The following WDR7 variants were observed in gnomAD, a reference collection of about 807,000 sequenced individuals.
The protein encoded by WDR7 is WD repeat domain 7.
A neutral mutation model predicts 169.4 loss-of-function variants in WDR7; 46 were observed. The ratio of observed to expected loss-of-function variants is 0.27; its 90% confidence interval spans 0.21 to 0.35. WDR7 has a LOEUF of 0.35. Among genes scored for constraint, WDR7 ranks in the 10% least tolerant of loss-of-function variants. The pLI is 1.00. For synonymous variants in WDR7, 612 were observed against 666.8 expected (o/e 0.92, Z 1.27); for missense variants, 1,534 against 1,859.3 (o/e 0.83, Z 3.22).
At chr18:56,788,910 A>G (rs1342230542) in intron 19 of WDR7, among the ~76,000 whole-genome samples, 1 of 152,188 alleles carries the variant, frequency 6.6e-6, no homozygotes, top group East Asian at 1.9e-4. Context: ...GATACTTTAT[A>G]TTGTGAGGCA....
intron 20 of WDR7, among the ~76,000 whole-genome samples, chr18:56,823,369 G>C (rs1288727498): frequency 6.6e-6 from 1 of 152,150 alleles, no homozygotes; most frequent in African/African-American, 2.4e-5. Context: ...TCTGAGGTCA[G>C]GAGTTCGAGA....
chr18:56,888,099 C>T (rs1210412751), intron 21 of WDR7, among the ~76,000 whole-genome samples: 1 of 152,158 alleles, frequency 6.6e-6, no homozygotes, highest in Non-Finnish European at 1.5e-5. Flanking sequence ...GAGTTCTAAC[C>T]TTCCTCCTGA....
At chr18:56,911,506 A>G (rs184644221) in intron 21 of WDR7, among the ~76,000 whole-genome samples, 10 of 152,302 alleles carry the variant, frequency 6.6e-5, no homozygotes, top group Admixed American at 4.6e-4. Context: ...TCCATTTACC[A>G]ACATGTAAAA....
intron 26 of WDR7, among the ~76,000 whole-genome samples, chr18:56,993,088 A>G (rs2047840932): frequency 6.6e-6 from 1 of 152,204 alleles, no homozygotes. Context: ...GTTTTTACAT[A>G]TGTGACAAAT....
intron 21 of WDR7, among the ~76,000 whole-genome samples, chr18:56,891,485 T>TGTTG (rs1461790020): frequency 1.3e-5 from 2 of 152,084 alleles, no homozygotes; most frequent in Admixed American, 6.6e-5. Context: ...TGTTAGTTTC[T>TGTTG]GTTGTTGTTG....
chr18:56,656,751 T>A (rs1471166465), intron 1 of WDR7, among the ~76,000 whole-genome samples: 1 of 152,192 alleles, frequency 6.6e-6, no homozygotes, highest in Non-Finnish European at 1.5e-5. Flanking sequence ...TTCTTTCCTA[T>A]GTATTTTAGA....
intron 20 of WDR7, among the ~76,000 whole-genome samples, chr18:56,847,141 G>A (rs1319100655): frequency 1.3e-5 from 2 of 152,186 alleles, no homozygotes; most frequent in African/African-American, 4.8e-5. Flanking sequence ...AGGCTACACT[G>A]ATGAGATCTC....
intron 5 of WDR7, among the ~76,000 whole-genome samples, chr18:56,684,138 GA>G (rs1367749981): frequency 6.6e-6 from 1 of 152,122 alleles, no homozygotes; most frequent in African/African-American, 2.4e-5. Context: ...TGGCAAAGGA[GA>G]TAGTCTGTAG....
chr18:56,724,935 A>C (rs2093443397), intron 13 of WDR7, among the ~76,000 whole-genome samples: 1 of 152,106 alleles, frequency 6.6e-6, no homozygotes, highest in Non-Finnish European at 1.5e-5. Context: ...TAGTTTGCTG[A>C]GAATGATGGT....
intron 20 of WDR7, among the ~76,000 whole-genome samples, chr18:56,840,466 A>G (rs898399504): frequency 3.9e-5 from 6 of 152,220 alleles, no homozygotes; most frequent in African/African-American, 1.4e-4. Context: ...TATCAAACTA[A>G]GTACTTAATT....
chr18:56,851,945 A>C (rs2045646610), intron 20 of WDR7, among the ~76,000 whole-genome samples: 1 of 152,200 alleles, frequency 6.6e-6, no homozygotes, highest in African/African-American at 2.4e-5. Flanking sequence ...TTTGGTAGAT[A>C]GTGCTGTTGA....
chr18:56,703,631 G>A (rs1305367258), intron 12 of WDR7, among the ~76,000 whole-genome samples: 1 of 151,166 alleles, frequency 6.6e-6, no homozygotes, highest in Non-Finnish European at 1.5e-5. Context: ...TATGTATTTG[G>A]CACCATCTTT....
rs375336657 is a variant in WDR7 at position 56,935,826 on chromosome 18, C to T, written c.3752C>T (p.Ser1251Leu). ...TTGCCTCTGAGCCCAGCAGCTGACT[C>T]GGCCCGCTCTGCGAGGCATGCCCTC... ...MGLPLSPAADSARSARHALSL... is the reference protein window; with the variant it reads ...MGLPLSPAADLARSARHALSL... The change falls in exon 23 of 28, where the codon TCG becomes TTG. Residue 1251 changes from serine to leucine, a missense_variant. Physicochemically the swap from Ser to Leu is moderately radical, Grantham distance 145. Transcript: ENST00000254442. 7 of 1,614,070 alleles carry T rather than the reference C, an allele frequency of 4.3e-6. No individual in the cohort carries two copies. The highest frequency in any genetic ancestry group is 4.0e-5 in the African/African-American group (3 of 74,930).
intron 1 of WDR7, among the ~76,000 whole-genome samples, chr18:56,653,855 C>T (rs761285483): frequency 6.6e-6 from 1 of 152,120 alleles, no homozygotes; most frequent in Non-Finnish European, 1.5e-5. Flanking sequence ...ACATTTTAGA[C>T]CTCTGTGATA....
intron 12 of WDR7, among the ~76,000 whole-genome samples, chr18:56,700,472 G>A (rs908170022): frequency 6.6e-6 from 1 of 151,002 alleles, no homozygotes; most frequent in African/African-American, 2.4e-5. Flanking sequence ...GGCCAGGATG[G>A]TCTCGATCTC....
At chr18:56,805,933 C>G (rs1599059437) in intron 19 of WDR7, among the ~76,000 whole-genome samples, 1 of 152,220 alleles carries the variant, frequency 6.6e-6, no homozygotes, top group East Asian at 1.9e-4. Flanking sequence ...CTCCTGCTAC[C>G]CGCTCTGTAG....
At chr18:56,729,806 T>TA (rs955321155) in intron 13 of WDR7, among the ~76,000 whole-genome samples, 4 of 152,182 alleles carry the variant, frequency 2.6e-5, no homozygotes, top group Non-Finnish European at 5.9e-5. Flanking sequence ...TAGAATTTGT[T>TA]AAAAAAATTA....
intron 16 of WDR7, among the ~76,000 whole-genome samples, chr18:56,771,916 G>A (rs772021940): frequency 1.6e-4 from 24 of 151,214 alleles, no homozygotes; most frequent in Middle Eastern, 3.4e-3. Context: ...AGAAATTATC[G>A]GGGTGTGATG....
At chr18:56,668,403 G>A (rs2025065623) in intron 1 of WDR7, among the ~76,000 whole-genome samples, 1 of 152,124 alleles carries the variant, frequency 6.6e-6, no homozygotes, top group Non-Finnish European at 1.5e-5. Context: ...AATCCTTCCT[G>A]GACCCATTGA....
Sources: gnomAD v4.1 joint callset for allele counts (sites outside exome capture counted in the v4.1 genomes callset) on GRCh38, gnomAD v4.1.1 for gene constraint, MANE v1.5 for transcripts, NCBI Gene and HGNC (gene_info 2026-07-23, HGNC 2026-07-21) for gene names.